ARHGEF7: variants seen among roughly 807,000 people sequenced by gnomAD.
The protein encoded by ARHGEF7 is PAK-interacting exchange factor beta.
In ARHGEF7, 33 loss-of-function variants were observed where a neutral mutation model predicts 109.8. The observed-to-expected ratio is 0.30, with a 90% CI of 0.23 to 0.40. ARHGEF7 has a LOEUF of 0.40. Among genes scored for constraint, ARHGEF7 ranks in the 10% least tolerant of loss-of-function variants. The pLI, the probability that ARHGEF7 is intolerant of heterozygous loss-of-function variation, is 1.00. For missense variants in ARHGEF7, 938 were observed against 1,098.5 expected (o/e 0.85, Z 2.07); for synonymous variants, 458 against 424.6 (o/e 1.08, Z -0.97).
At chr13:111,214,679 T>TTG (rs1471352210) in intron 4 of ARHGEF7, among the ~76,000 whole-genome samples, 1 of 152,268 alleles carries the variant, frequency 6.6e-6, no homozygotes, top group African/African-American at 2.4e-5. Context: ...CTGCCCCTTG[T>TTG]TGGTCACAGG....
At chr13:111,260,937 GT>G (rs1419803613) in intron 8 of ARHGEF7, among the ~76,000 whole-genome samples, 3 of 152,032 alleles carry the variant, frequency 2.0e-5, no homozygotes, top group African/African-American at 7.2e-5. Context: ...AAAATAATGG[GT>G]TTTATTATTT....
At chr13:111,139,932 A>G (rs1005371186) in intron 1 of ARHGEF7, among the ~76,000 whole-genome samples, 3 of 152,270 alleles carry the variant, frequency 2.0e-5, no homozygotes, top group Non-Finnish European at 4.4e-5. Context: ...AGGTAAAACT[A>G]AGACAATCTT....
intron 2 of ARHGEF7, among the ~76,000 whole-genome samples, chr13:111,193,097 A>G (rs1259090637): frequency 2.0e-5 from 3 of 152,094 alleles, no homozygotes; most frequent in African/African-American, 7.2e-5. Flanking sequence ...TGGCCATTTG[A>G]TGAGTGTTTT....
chr13:111,274,912 CAG>C (rs1373944670), intron 11 of ARHGEF7, 122 bp downstream of exon 11: 4 of 589,810 alleles, frequency 6.8e-6, no homozygotes, highest in East Asian at 3.3e-5. Context: ...GAAAGAAAAA[CAG>C]AGTCGGCATT....
chr13:111,146,575 T>G (rs996618164), intron 1 of ARHGEF7, among the ~76,000 whole-genome samples: 3 of 152,266 alleles, frequency 2.0e-5, no homozygotes, highest in Non-Finnish European at 4.4e-5. Flanking sequence ...TATTTTCTAC[T>G]GGTGATCTTA....
At chr13:111,214,711 C>T (rs149497958) in intron 4 of ARHGEF7, among the ~76,000 whole-genome samples, 3 of 152,318 alleles carry the variant, frequency 2.0e-5, no homozygotes, top group African/African-American at 7.2e-5. Context: ...TTTGTGTCTG[C>T]GCTGGTAATT....
chr13:111,215,249 T>G (rs1000132210), intron 4 of ARHGEF7, among the ~76,000 whole-genome samples: 2 of 151,800 alleles, frequency 1.3e-5, no homozygotes, highest in Non-Finnish European at 2.9e-5. Flanking sequence ...ATGCGGATAG[T>G]TGTTAAGTTT....
At chr13:111,267,721 C>T (rs748381977) in intron 9 of ARHGEF7, 51 bp downstream of exon 9, 3 of 1,603,704 alleles carry the variant, frequency 1.9e-6, no homozygotes, top group South Asian at 2.2e-5. Context: ...GCTCTGTGTC[C>T]TTCAAATAGT....
chr13:111,140,517 C>T (rs74372248), intron 1 of ARHGEF7, among the ~76,000 whole-genome samples: 160 of 152,136 alleles, frequency 1.1e-3, no homozygotes, highest in African/African-American at 3.5e-3. Context: ...ACAGCTAGTG[C>T]GAGGTCCTGG....
intron 2 of ARHGEF7, among the ~76,000 whole-genome samples, chr13:111,191,909 A>G (rs1456281532): frequency 1.3e-5 from 2 of 152,344 alleles, no homozygotes; most frequent in East Asian, 3.9e-4. Flanking sequence ...TGTAGTATAT[A>G]GCCCTATCAC....
intron 5 of ARHGEF7, among the ~76,000 whole-genome samples, chr13:111,218,460 C>T (rs933696919): frequency 6.6e-6 from 1 of 151,872 alleles, no homozygotes. Flanking sequence ...CTTGTGGAAG[C>T]GTGTGGGTGG....
At chr13:111,275,972 A>C (rs1164183243) in intron 12 of ARHGEF7, 2 of 390,854 alleles carry the variant, frequency 5.1e-6, no homozygotes, top group African/African-American at 4.1e-5. Context: ...AGTCCTGTGC[A>C]CACATCCGCA....
chr13:111,245,041 A>G (rs895729655), intron 8 of ARHGEF7, among the ~76,000 whole-genome samples: 2 of 152,122 alleles, frequency 1.3e-5, no homozygotes, highest in African/African-American at 2.4e-5. Flanking sequence ...TCACAGCCCA[A>G]TTTGTTCCAC....
intron 13 of ARHGEF7, 23 bp downstream of exon 13, chr13:111,277,696 A>G (rs1312980007): frequency 1.4e-6 from 2 of 1,464,662 alleles, no homozygotes; most frequent in South Asian, 1.2e-5. Flanking sequence ...TTAAATTTAT[A>G]TTTTATTGTG....
intron 2 of ARHGEF7, among the ~76,000 whole-genome samples, chr13:111,162,350 G>A (rs2076813111): frequency 6.6e-6 from 1 of 152,208 alleles, no homozygotes; most frequent in African/African-American, 2.4e-5. Context: ...TTTGAAAGAG[G>A]ATGTGAAAGA....
At chr13:111,139,819 G>C (rs1344223876) in intron 1 of ARHGEF7, among the ~76,000 whole-genome samples, 2 of 152,260 alleles carry the variant, frequency 1.3e-5, no homozygotes, top group African/African-American at 2.4e-5. Flanking sequence ...CAGGTGGGCA[G>C]TCCTGGGAGA....
chr13:111,170,847 T>G (rs2077536527), intron 2 of ARHGEF7, among the ~76,000 whole-genome samples: 1 of 152,178 alleles, frequency 6.6e-6, no homozygotes, highest in South Asian at 2.1e-4. Flanking sequence ...GAAGTTTGAT[T>G]TGGGAATTTA....
rs538234604 is a variant in ARHGEF7, at chr13:111,153,842, G to A, written c.166-63G>A. The A allele has an allele frequency of 2.6e-6, 4 of 1,560,682 alleles. No individual in the cohort carries two copies. The Admixed American group carries it at 5.6e-5, about 22-fold the overall frequency. ...GGAGCGCGGGCCGTGGGCGTCGCTCGGCCTTGTCCGCGGCGTCCCCGCTGC... is the reference window on the plus strand; with the variant it reads ...GGAGCGCGGGCCGTGGGCGTCGCTCAGCCTTGTCCGCGGCGTCCCCGCTGC... On this transcript the variant is annotated intron_variant, in intron 1 of 21. Coordinates refer to ENST00000646102, the MANE Select transcript of ARHGEF7 (RefSeq NM_001354046.2).
At chr13:111,278,068 A>G (rs914905512) in intron 13 of ARHGEF7, among the ~76,000 whole-genome samples, 13 of 152,304 alleles carry the variant, frequency 8.5e-5, no homozygotes, top group African/African-American at 2.6e-4. Flanking sequence ...TGTCAGTGGC[A>G]CGGCACCGCC....
Sources: gnomAD v4.1 joint callset for allele counts (sites outside exome capture counted in the v4.1 genomes callset) on GRCh38, gnomAD v4.1.1 for gene constraint, MANE v1.5 for transcripts, NCBI Gene and HGNC (gene_info 2026-07-23, HGNC 2026-07-21) for gene names.